The following C15orf40 variants were observed in gnomAD, a reference collection of about 807,000 sequenced individuals.
C15orf40 encodes chromosome 15 open reading frame 40.
In C15orf40, 9 loss-of-function variants were observed where a neutral mutation model predicts 13.9. The observed-to-expected ratio is 0.65, with a 90% confidence interval of 0.39 to 1.13. C15orf40 has a LOEUF of 1.13. Among genes scored for constraint, C15orf40 ranks in the 50% most tolerant of loss-of-function variants. C15orf40 has a pLI of 0.01. For missense variants in C15orf40, 225 were observed against 188.5 expected (o/e 1.19, Z -1.13); for synonymous variants, 95 against 69.2 (o/e 1.37, Z -1.85).
downstream of C15orf40, among the ~76,000 whole-genome samples, chr15:82,991,489 G>A (rs1020350006): frequency 6.6e-6 from 1 of 152,162 alleles, no homozygotes; most frequent in African/African-American, 2.4e-5. Flanking sequence ...AAGTTGCAGT[G>A]AGCCAAGATC....
downstream of C15orf40, among the ~76,000 whole-genome samples, chr15:82,991,570 A>C (rs2030862716): frequency 6.6e-6 from 1 of 151,996 alleles, no homozygotes. Flanking sequence ...GCATCTTCGT[A>C]AACCTATTTT....
chr15:82,992,014 G>A (rs574868823), downstream of C15orf40: 23 of 856,092 alleles, frequency 2.7e-5, no homozygotes, highest in African/African-American at 7.0e-5. Flanking sequence ...CCAGGAGTTC[G>A]AGGCCAGCCT....
At position 83,002,819 on chromosome 15, in the gene C15orf40, C is replaced by T. The variant is rs557473928; in HGVS notation, c.*2778G>A. 2.0e-5 allele frequency: 3 copies of T among 152,114 alleles called. No homozygotes were observed. Among genetic ancestry groups the T allele is most frequent in the Admixed American group, 6.5e-5 (1 of 15,284 alleles). 9.4% of individuals were successfully genotyped at this position (152,114 alleles called of 1,614,324 possible). The stretch of plus-strand genomic sequence containing the variant: ...AAGCTGATTTTTTTTTTTCTTGAGA[C>T]GGAGTCTGCCTCTGCAGCCCACGCT... On this transcript the variant is annotated 3_prime_UTR_variant, in exon 4 of 4. Transcript: ENST00000304177.
At chr15:83,009,126 C>T (rs1360793108) in intron 2 of C15orf40, among the ~76,000 whole-genome samples, 2 of 152,124 alleles carry the variant, frequency 1.3e-5, no homozygotes, top group Non-Finnish European at 2.9e-5. Context: ...GGACTAGGTT[C>T]ACCTCTTATG....
At chr15:82,994,481 G>A (rs539431803), downstream of C15orf40, among the ~76,000 whole-genome samples, 13 of 152,092 alleles carry the variant, frequency 8.5e-5, no homozygotes, top group Non-Finnish European at 1.9e-4. Flanking sequence ...AAACTATGCC[G>A]TAGACTGTTG....
chr15:83,007,061 T>C (rs1336034783), intron 3 of C15orf40, among the ~76,000 whole-genome samples: 3 of 152,136 alleles, frequency 2.0e-5, no homozygotes, highest in Non-Finnish European at 4.4e-5. Context: ...TTAAGAAATA[T>C]AAACATGGCT....
Position 82,995,940 on chromosome 15 carries a change from T to A in C15orf40, c.*9657A>T, listed in dbSNP as rs1306227466. 2 of 152,304 alleles carry A rather than the reference T, an allele frequency of 1.3e-5. No homozygotes were observed. Among genetic ancestry groups the A allele is most frequent in the Non-Finnish European group, 2.9e-5 (2 of 68,114 alleles). 9.4% of individuals were successfully genotyped at this position (152,304 alleles called of 1,614,324 possible). ...AAGAGTGAGTTATCTGTGGGCTGCTTAGGTGCAAGAAGGACAAGTCGCATA... is the reference window on the plus strand; with the variant it reads ...AAGAGTGAGTTATCTGTGGGCTGCTAAGGTGCAAGAAGGACAAGTCGCATA... On this transcript the variant is annotated 3_prime_UTR_variant, in exon 4 of 4. Transcript: ENST00000304177.
At chr15:82,994,256 C>T (rs1035076120), downstream of C15orf40, among the ~76,000 whole-genome samples, 2 of 152,134 alleles carry the variant, frequency 1.3e-5, no homozygotes, top group Admixed American at 6.5e-5. Context: ...AGGAAATAAT[C>T]ATTTACCCTG....
chr15:82,990,056 G>C, downstream of C15orf40: 1 of 1,406,824 alleles, frequency 7.1e-7, no homozygotes. Context: ...GCCTCCTTAC[G>C]GTTACTACTG....
At chr15:82,991,890 C>T (rs770932502), downstream of C15orf40, 1 of 1,288,736 alleles carries the variant, frequency 7.8e-7, no homozygotes, top group African/African-American at 1.5e-5. Context: ...GACTACACCC[C>T]AGAATCTTCT....
rs758209616 is a variant in C15orf40, at chr15:82,999,932, G to T, written c.*5665C>A. Reference sequence around the variant, plus strand: ...AGGAATGCCTATGTGGGTAGAAATAGGTGGTCTTCCTGCAACCTAGAAAAA... The same window carrying T: ...AGGAATGCCTATGTGGGTAGAAATATGTGGTCTTCCTGCAACCTAGAAAAA... On this transcript the variant is annotated 3_prime_UTR_variant, in exon 4 of 4. Transcript: ENST00000304177. 1 of 152,144 alleles carries T rather than the reference G, an allele frequency of 6.6e-6. No homozygotes were observed. Among genetic ancestry groups the T allele is most frequent in the South Asian group, 2.1e-4 (1 of 4,830 alleles). The allele number at this position is 152,144 out of a possible 1,614,324, so 9.4% of individuals were successfully genotyped here. A position where few individuals can be genotyped will look rare whatever the true frequency, so the allele number is the denominator to read the frequency against.
At chr15:82,989,184 A>C (rs765026029), downstream of C15orf40, 35 of 1,612,288 alleles carry the variant, frequency 2.2e-5, no homozygotes, top group South Asian at 3.9e-4. Flanking sequence ...AAACAGAGGC[A>C]ATCGGTGTGT....
Position 82,999,785 on chromosome 15 carries a change from G to C in C15orf40, c.*5812C>G, listed in dbSNP as rs2031334789. 1 of 152,158 alleles carries C rather than the reference G, an allele frequency of 6.6e-6. No homozygotes were observed. The highest frequency in any genetic ancestry group is 2.1e-4 in the South Asian group (1 of 4,830). 9.4% of individuals were successfully genotyped at this position (152,158 alleles called of 1,614,324 possible). A position where few individuals can be genotyped will look rare whatever the true frequency, so the allele number is the denominator to read the frequency against. Reference sequence around the variant, plus strand: ...GAAATGACCAGGGAGTACGTAACTTGTGGCTGCAAAGTTTGGGGATTCTTC... The same window carrying C: ...GAAATGACCAGGGAGTACGTAACTTCTGGCTGCAAAGTTTGGGGATTCTTC... On this transcript the variant is annotated 3_prime_UTR_variant, in exon 4 of 4. Coordinates refer to ENST00000304177, the MANE Select transcript of C15orf40 (RefSeq NM_144597.3).
At position 83,010,271 on chromosome 15, in the gene C15orf40, A is replaced by C. The variant is rs774400039; in HGVS notation, c.204T>G (p.His68Gln). Residue 68 changes from histidine to glutamine, a missense_variant, in exon 2 of 4, where the codon CAT becomes CAG. By Grantham distance (24) the His-to-Gln change is conservative. Transcript: ENST00000304177. ...CATTTTGTTTGGAGCCAGGTTTTGC[A>C]TGGATGGCTATGGTGACGCATCCTT... ...DPKGCVTIAI[H>Q]AKPGSKQNAV... 6.2e-7 allele frequency: 1 copy of C among 1,614,262 alleles called. No individual in the cohort carries two copies.
At chr15:82,991,556 G>A (rs1318747296), downstream of C15orf40, among the ~76,000 whole-genome samples, 2 of 151,762 alleles carry the variant, frequency 1.3e-5, no homozygotes, top group Admixed American at 6.6e-5. Context: ...TAAAAAAAAC[G>A]GGGGCATCTT....
chr15:83,006,195 C>T (rs1249875694), intron 3 of C15orf40: 1 of 220,228 alleles, frequency 4.5e-6, no homozygotes, highest in Non-Finnish European at 7.6e-6. Context: ...CGCGCCACTG[C>T]ACTCCAGCCT....
intron 2 of C15orf40, 52 bp from the exon 3 acceptor site, chr15:83,008,727 GA>G: frequency 6.5e-7 from 1 of 1,527,170 alleles, no homozygotes; most frequent in Non-Finnish European, 8.8e-7. Flanking sequence ...TTTTCTTCAT[GA>G]AGCAAGGACA....
At position 83,005,565 on chromosome 15, in the gene C15orf40, T is replaced by C. The variant is rs775020588; in HGVS notation, c.*32A>G. ...TCCCAAAGTGCTGGGATTACAGGCATGAGCCACTGCGCCCGGCCTCATTTC... is the reference window on the plus strand; with the variant it reads ...TCCCAAAGTGCTGGGATTACAGGCACGAGCCACTGCGCCCGGCCTCATTTC... On this transcript the variant is annotated 3_prime_UTR_variant, in exon 4 of 4. Transcript: ENST00000304177. 1.9e-6 allele frequency: 3 copies of C among 1,574,172 alleles called. No individual in the cohort carries two copies. The highest frequency in any genetic ancestry group is 2.6e-6 in the Non-Finnish European group (3 of 1,159,160).
rs1223460989 is a variant in C15orf40 at position 83,011,639 on chromosome 15, T to G, written c.-32A>C. On this transcript the variant is annotated 5_prime_UTR_variant, in exon 1 of 4. Transcript: ENST00000304177. ...CTGGGAAGGCGCCGGAAGAGCCCTCTGCGCTTGCGCAGGTAGCCGGCAGGA... is the reference window on the plus strand; with the variant it reads ...CTGGGAAGGCGCCGGAAGAGCCCTCGGCGCTTGCGCAGGTAGCCGGCAGGA... The G allele has an allele frequency of 1.3e-6, 2 of 1,515,246 alleles. No homozygotes were observed. Among genetic ancestry groups the G allele is most frequent in the Admixed American group, 4.1e-5 (2 of 48,692 alleles). The allele number at this position is 1,515,246 out of a possible 1,614,324, so 93.9% of individuals were successfully genotyped here.
Sources: gnomAD v4.1 joint callset for allele counts (sites outside exome capture counted in the v4.1 genomes callset) on GRCh38, gnomAD v4.1.1 for gene constraint, MANE v1.5 for transcripts, NCBI Gene and HGNC (gene_info 2026-07-23, HGNC 2026-07-21) for gene names.